The following DCAF6 variants were observed in gnomAD, a reference collection of about 807,000 sequenced individuals.
DCAF6 encodes DDB1- and CUL4-associated factor 6.
Under a neutral mutation model 125.1 loss-of-function variants are expected in DCAF6, and 54 were observed. The ratio of observed to expected loss-of-function variants is 0.43; its 90% CI spans 0.35 to 0.54. The LOEUF (loss-of-function observed/expected upper bound fraction) is 0.54, where lower values mean the gene tolerates loss of function less well. DCAF6 is among the 20% of genes least tolerant of loss of function. DCAF6 has a pLI of 0.01. For missense variants in DCAF6, 934 were observed against 1,161.7 expected (o/e 0.80, Z 2.85); for synonymous variants, 371 against 390.4 (o/e 0.95, Z 0.58).
Position 168,065,815 on chromosome 1 carries a change from C to G in DCAF6, c.2596+69C>G, listed in dbSNP as rs868632341. The G allele has an allele frequency of 2.1e-6, 3 of 1,400,762 alleles. No individual in the cohort carries two copies. In the African/African-American group the frequency reaches 4.4e-5, roughly 20 times the overall value. The allele number at this position is 1,400,762 out of a possible 1,614,324, so 86.8% of individuals were successfully genotyped here. A position where few individuals can be genotyped will look rare whatever the true frequency, so the allele number is the denominator to read the frequency against. ...GACTCATCAGTCATACAAAATTATTCTTTTTTAATTGTTAATATTATAAGA... is the reference window on the plus strand; with the variant it reads ...GACTCATCAGTCATACAAAATTATTGTTTTTTAATTGTTAATATTATAAGA... On this transcript the variant is annotated intron_variant, in intron 19 of 21. Coordinates refer to ENST00000367840, the MANE Select transcript of DCAF6 (RefSeq NM_001198956.2).
At chr1:167,960,362 G>A (rs1372123321) in intron 2 of DCAF6, among the ~76,000 whole-genome samples, 1 of 151,960 alleles carries the variant, frequency 6.6e-6, no homozygotes, top group African/African-American at 2.4e-5. Context: ...GCAATGGCGC[G>A]ATCTCAGCTC....
chr1:168,063,478 G>A (rs1691870528), intron 17 of DCAF6, 143 bp from the exon 18 acceptor site: 4 of 582,840 alleles, frequency 6.9e-6, no homozygotes, highest in Non-Finnish European at 1.1e-5. Context: ...TTGTGTCTGC[G>A]TTTTTATGCT....
At chr1:167,896,571 C>T in the DCAF6 span, 2 of 1,570,360 alleles carry the variant, frequency 1.3e-6, no homozygotes, top group Non-Finnish European at 8.8e-7. Flanking sequence ...GAGGCAAAGG[C>T]ATTTTTCCAT....
intron 7 of DCAF6, among the ~76,000 whole-genome samples, chr1:167,999,365 T>C (rs1216972623): frequency 6.6e-6 from 1 of 152,162 alleles, no homozygotes; most frequent in Non-Finnish European, 1.5e-5. Context: ...AGCATTGGCT[T>C]CTGCTTAATG....
rs1683068930 is a variant in DCAF6, at chr1:168,004,450, G to A, written c.1118-83G>A. On this transcript the variant is annotated intron_variant, in intron 9 of 21. Coordinates refer to ENST00000367840, the MANE Select transcript of DCAF6 (RefSeq NM_001198956.2). Reference sequence around the variant, plus strand: ...TATATTTGTGTGTGTAAATATAAATGTGTTTTCTGAGCATATCTGTTTAGA... The same window carrying A: ...TATATTTGTGTGTGTAAATATAAATATGTTTTCTGAGCATATCTGTTTAGA... The A allele has an allele frequency of 3.7e-6, 5 of 1,341,738 alleles. No homozygotes were observed. The South Asian group carries it at 6.7e-5, about 18-fold the overall frequency. The allele number at this position is 1,341,738 out of a possible 1,614,324, so 83.1% of individuals were successfully genotyped here. A position where few individuals can be genotyped will look rare whatever the true frequency, so the allele number is the denominator to read the frequency against.
At chr1:167,899,720 ACT>A in the DCAF6 span, 1 of 1,219,912 alleles carries the variant, frequency 8.2e-7, no homozygotes. Context: ...TCTTGGTGGG[ACT>A]ATACTATCTC....
At chr1:167,975,697 C>T (rs981077978) in intron 4 of DCAF6, among the ~76,000 whole-genome samples, 1 of 152,098 alleles carries the variant, frequency 6.6e-6, no homozygotes, top group Non-Finnish European at 1.5e-5. Flanking sequence ...AGGCATGTGC[C>T]ACCATGCCCA....
intron 2 of DCAF6, among the ~76,000 whole-genome samples, chr1:167,952,573 T>C (rs921943517): frequency 2.6e-5 from 4 of 152,154 alleles, no homozygotes; most frequent in Non-Finnish European, 5.9e-5. Context: ...CATACTCTCT[T>C]GGTTTTCTTC....
At chr1:167,888,704 G>A in the DCAF6 span, among the ~76,000 whole-genome samples, 33 of 151,930 alleles carry the variant, frequency 2.2e-4, no homozygotes, top group African/African-American at 7.5e-4. Context: ...GTGAAACCTC[G>A]TCTCTATTAA....
intron 5 of DCAF6, among the ~76,000 whole-genome samples, chr1:167,988,440 T>C (rs371352526): frequency 9.2e-5 from 14 of 152,164 alleles, no homozygotes; most frequent in African/African-American, 3.4e-4. Flanking sequence ...GTGCTGAGAT[T>C]ACAGGGATGA....
chr1:167,869,348 T>C, the DCAF6 span, among the ~76,000 whole-genome samples: 1 of 152,138 alleles, frequency 6.6e-6, no homozygotes, highest in Non-Finnish European at 1.5e-5. Flanking sequence ...TATCAATCTA[T>C]TGCACAAGAA....
chr1:167,875,302 AT>A, the DCAF6 span: 1 of 1,050,850 alleles, frequency 9.5e-7, no homozygotes, highest in South Asian at 1.3e-5. Context: ...ACAAGAGTCT[AT>A]CCCCTGACTC....
chr1:168,058,669 A>G (rs1395455989), intron 17 of DCAF6, among the ~76,000 whole-genome samples: 2 of 152,178 alleles, frequency 1.3e-5, no homozygotes, highest in Non-Finnish European at 2.9e-5. Flanking sequence ...CCCAGGTTCA[A>G]GTGATTCTCC....
chr1:168,012,074 G>C (rs1684373781), intron 10 of DCAF6, among the ~76,000 whole-genome samples: 1 of 152,202 alleles, frequency 6.6e-6, no homozygotes, highest in Non-Finnish European at 1.5e-5. Flanking sequence ...GGAGGTCAGT[G>C]AAGAAGTGAC....
At chr1:167,998,156 A>G (rs962374447) in intron 7 of DCAF6, among the ~76,000 whole-genome samples, 12 of 152,024 alleles carry the variant, frequency 7.9e-5, no homozygotes, top group African/African-American at 2.9e-4. Flanking sequence ...CATTAAAGCA[A>G]GTCACACAGA....
rs1002123951 is a variant in DCAF6, at chr1:168,038,463, A to G, written c.1702A>G (p.Ile568Val). ...CACAGAAGGAACAACTACAAGCACA[A>G]TAAAACTGAACTTTACAGATGAATG... ...YSTEGTTTST[I>V]KLNFTDEWSS... The change falls in exon 13 of 22, where the codon ATA (isoleucine) becomes GTA (valine). Residue 568 changes from isoleucine to valine, a missense_variant. Ile to Val is a conservative substitution (Grantham distance 29). Transcript: ENST00000367840. 6.2e-7 allele frequency: 1 copy of G among 1,605,284 alleles called. No individual in the cohort carries two copies. The highest frequency in any genetic ancestry group is 1.1e-5 in the South Asian group (1 of 88,714).
At chr1:168,018,002 TA>T (rs1685202500) in intron 11 of DCAF6, among the ~76,000 whole-genome samples, 2 of 152,198 alleles carry the variant, frequency 1.3e-5, no homozygotes, top group African/African-American at 4.8e-5. Context: ...CAAGAAATTT[TA>T]AAAAGTATAG....
In DCAF6 at chr1:168,045,041, C is replaced by T; in HGVS notation, c.2072C>T (p.Thr691Ile). Reference sequence around the variant, plus strand: ...AAGGAACCAGAAACTTCAGATCAGACTAGCACTGAGAGTGCTACCAATGAA... The same window carrying T: ...AAGGAACCAGAAACTTCAGATCAGATTAGCACTGAGAGTGCTACCAATGAA... The part of the protein sequence containing the change: ...KAKEPETSDQ[T>I]STESATNENN... The change falls in exon 16 of 22, where the codon ACT (threonine) becomes ATT (isoleucine). Residue 691 changes from threonine (T) to isoleucine (I), a missense_variant. Coordinates refer to ENST00000367840, the MANE Select transcript of DCAF6 (RefSeq NM_001198956.2). The T allele has an allele frequency of 6.2e-7, 1 of 1,614,070 alleles. No homozygotes were observed. Among genetic ancestry groups the T allele is most frequent in the South Asian group, 1.1e-5 (1 of 91,080 alleles).
rs10693 is a variant in DCAF6, at chr1:168,056,108, A to G, written c.2300+5175A>G. 3.8e-6 allele frequency: 6 copies of G among 1,594,590 alleles called. No homozygotes were observed. In the South Asian group the frequency reaches 6.6e-5, roughly 18 times the overall value. ...AATAGAGTTCACTAGCAGCTTTCAC[A>G]CTTTCCAAAGCACCAAACTCATCTT... is the stretch of plus-strand genomic sequence containing the variant. On this transcript the variant is annotated intron_variant, in intron 17 of 21. Coordinates refer to ENST00000367840, the MANE Select transcript of DCAF6 (RefSeq NM_001198956.2).
Sources: allele counts gnomAD v4.1 joint callset (sites outside exome capture counted in the v4.1 genomes callset), GRCh38; gene constraint gnomAD v4.1.1; transcripts MANE v1.5; gene names NCBI Gene and HGNC (gene_info 2026-07-23, HGNC 2026-07-21).